The following DMXL1 variants were observed in gnomAD, a reference collection of about 807,000 sequenced individuals.
DMXL1 encodes Dmx like 1.
A neutral mutation model predicts 319.2 loss-of-function variants in DMXL1; 99 were observed. That is an observed-to-expected ratio of 0.31 (90% CI 0.26 to 0.37). The LOEUF (loss-of-function observed/expected upper bound fraction) is 0.37. DMXL1 is among the 10% of genes least tolerant of loss of function. The probability of loss-of-function intolerance (pLI) is 1.00; values close to 1 mark genes in which losing one functional copy is unlikely to be tolerated. For missense variants in DMXL1, 3,745 were observed against 3,595.6 expected (o/e 1.04, Z -1.06); for synonymous variants, 1,385 against 1,235.2 (o/e 1.12, Z -2.54).
chr5:119,240,754 A>G (rs1788622652), intron 42 of DMXL1, among the ~76,000 whole-genome samples: 1 of 152,222 alleles, frequency 6.6e-6, no homozygotes. Flanking sequence ...TGTAAACTCA[A>G]TATTATGTCC....
intron 1 of DMXL1, 60 bp downstream of exon 1, chr5:119,071,716 G>A: frequency 2.0e-6 from 3 of 1,472,088 alleles, no homozygotes; most frequent in South Asian, 1.2e-5. Context: ...ATTCTGGGCC[G>A]AGCTTGGCCC....
intron 1 of DMXL1, among the ~76,000 whole-genome samples, chr5:119,087,654 A>G (rs1012661686): frequency 1.2e-4 from 18 of 152,232 alleles, no homozygotes; most frequent in African/African-American, 3.9e-4. Context: ...TGTTCTTTAA[A>G]TGTCAGGCCT....
rs145364901 is a variant in DMXL1 at position 119,135,765 on chromosome 5, A to G, written c.2376+1376A>G. On this transcript the variant is annotated intron_variant, in intron 13 of 43. Transcript: ENST00000539542. ...GCTTGCTTCTCCTTTGCCTTCTGCCATGATTGTAAGTCCTGAGGCCTCCTG... is the reference window on the plus strand; with the variant it reads ...GCTTGCTTCTCCTTTGCCTTCTGCCGTGATTGTAAGTCCTGAGGCCTCCTG... Among the ~76,000 whole-genome samples, 1,099 of 152,276 alleles carry G rather than the reference A, an allele frequency of 7.2e-3. 5 individuals carry two copies. The highest frequency in any genetic ancestry group is 7.4e-3 in the Non-Finnish European group (506 of 68,020).
At chr5:119,240,576 C>T (rs1788590978) in intron 42 of DMXL1, 105 bp downstream of exon 42, 1 of 841,916 alleles carries the variant, frequency 1.2e-6, no homozygotes, top group South Asian at 1.7e-5. Context: ...TTTATTAACC[C>T]ATGAGATTTC....
chr5:119,124,346 C>T (rs1326431672), intron 9 of DMXL1, among the ~76,000 whole-genome samples: 1 of 151,194 alleles, frequency 6.6e-6, no homozygotes, highest in Non-Finnish European at 1.5e-5. Context: ...TAAGAAAGAC[C>T]AAGGAACAAA....
intron 1 of DMXL1, among the ~76,000 whole-genome samples, chr5:119,081,047 A>G (rs1485799480): frequency 1.3e-5 from 2 of 152,180 alleles, no homozygotes; most frequent in African/African-American, 2.4e-5. Context: ...GATGTTACCC[A>G]CTAGAATTGT....
Position 119,189,828 on chromosome 5 carries a change from C to G in DMXL1, c.7256C>G (p.Ala2419Gly), listed in dbSNP as rs376776822. 3.1e-6 allele frequency: 5 copies of G among 1,613,806 alleles called. No homozygotes were observed. The South Asian group carries it at 5.5e-5, about 18-fold the overall frequency. The change falls in exon 29 of 44, where the codon GCG becomes GGG. Residue 2419 changes from alanine to glycine, a missense_variant. Ala to Gly is a moderately conservative substitution (Grantham distance 60). Around this residue, in one of 4 missense-constraint regions of DMXL1, gnomAD observed 1,382 missense variants for 1,269.5 expected, o/e 1.09. Transcript: ENST00000539542. The stretch of plus-strand genomic sequence containing the variant: ...GCACCAGTAAGCCAGGAGTCACTGG[C>G]GGTTAAAGAAAAGTTCATCCCACCT... ...SSAPVSQESL[A>G]VKEKFIPPEL...
chr5:119,244,327 GT>G (rs1337472233), intron 42 of DMXL1, 31 bp from the exon 43 acceptor site: 1 of 1,531,910 alleles, frequency 6.5e-7, no homozygotes, highest in African/African-American at 1.4e-5. Context: ...TTATTGTTAA[GT>G]GTTTTTGTTT....
intron 39 of DMXL1, among the ~76,000 whole-genome samples, chr5:119,234,497 C>T (rs967855119): frequency 2.0e-5 from 3 of 152,066 alleles, no homozygotes; most frequent in African/African-American, 7.2e-5. Context: ...TTTTGTCTAC[C>T]ATGTTTATCA....
intron 9 of DMXL1, among the ~76,000 whole-genome samples, chr5:119,123,241 G>C (rs867975167): frequency 1.3e-5 from 2 of 151,828 alleles, no homozygotes; most frequent in East Asian, 3.9e-4. Context: ...GCAGTGAGCC[G>C]AGATGGCGGC....
rs1246873426 is a variant in DMXL1 at position 119,164,075 on chromosome 5, A to G, written c.4703-432A>G. Among the ~76,000 whole-genome samples the G allele has an allele frequency of 2.0e-5, 3 of 150,046 alleles. No individual in the cohort carries two copies. In the East Asian group the frequency reaches 5.8e-4, roughly 29 times the overall value. ...TTTGCAGTGCTATTCCTAATTCATC[A>G]ACCTGAACTGCTTGCTTGATGTTTT... On this transcript the variant is annotated intron_variant, in intron 19 of 43. Transcript: ENST00000539542.
At chr5:119,201,796 G>A (rs867320014) in intron 32 of DMXL1, among the ~76,000 whole-genome samples, 3 of 152,090 alleles carry the variant, frequency 2.0e-5, no homozygotes. Context: ...TTCAGTCTTG[G>A]GAGGGTGTAT....
intron 32 of DMXL1, among the ~76,000 whole-genome samples, chr5:119,198,319 T>G (rs1780032246): frequency 6.6e-6 from 1 of 152,190 alleles, no homozygotes; most frequent in Non-Finnish European, 1.5e-5. Flanking sequence ...GGAGTTTTAC[T>G]TTTTGTGCTG....
rs1367714139 is a variant in DMXL1, at chr5:119,149,706, C to G, written c.3879C>G (p.Ile1293Met). ...TRSMTSLAQK[I>M]CGKKTAFDPS... ...CCATGACCAGTCTTGCACAGAAAAT[C>G]TGTGGAAAGAAAACTGCATTCGATC... The change falls in exon 18 of 44, where the codon ATC becomes ATG. Residue 1293 changes from isoleucine to methionine, a missense_variant. Transcript: ENST00000539542. 1 of 1,614,014 alleles carries G rather than the reference C, an allele frequency of 6.2e-7. No homozygotes were observed. Among genetic ancestry groups the G allele is most frequent in the Admixed American group, 1.7e-5 (1 of 59,982 alleles).
intron 5 of DMXL1, 34 bp downstream of exon 5, chr5:119,110,317 C>A: frequency 6.7e-7 from 1 of 1,492,132 alleles, no homozygotes; most frequent in Non-Finnish European, 8.9e-7. Flanking sequence ...AACTGATAAA[C>A]CTGTTGTTCT....
intron 9 of DMXL1, among the ~76,000 whole-genome samples, chr5:119,121,903 G>GT (rs1561638813): frequency 1.4e-5 from 2 of 146,092 alleles, no homozygotes; most frequent in East Asian, 4.1e-4. Flanking sequence ...GGCTGGCCGG[G>GT]CGGGGGGCTG....
At chr5:119,151,903 A>C in intron 18 of DMXL1, 26 bp from the exon 19 acceptor site, 1 of 1,527,778 alleles carries the variant, frequency 6.5e-7, no homozygotes, top group East Asian at 2.3e-5. Flanking sequence ...TTTTTAATAC[A>C]TTGCTTCCCC....
rs1219196023 is a variant in DMXL1, at chr5:119,171,790, C to A, written c.6502C>A (p.Pro2168Thr). 6.2e-7 allele frequency: 1 copy of A among 1,610,718 alleles called. No individual in the cohort carries two copies. Among genetic ancestry groups the A allele is most frequent in the South Asian group, 1.1e-5 (1 of 90,456 alleles). Reference protein sequence around the residue: ...LQESQQETSEPLFSSPLSEQT... With the variant: ...LQESQQETSETLFSSPLSEQT... Reference sequence around the variant, plus strand: ...CTTTGTTTTTAAGGAAACATCAGAACCACTATTTTCTAGCCCTCTGTCAGA... The same window carrying A: ...CTTTGTTTTTAAGGAAACATCAGAAACACTATTTTCTAGCCCTCTGTCAGA... Residue 2168 changes from proline to threonine, a missense_variant, in exon 25 of 44, where the codon CCA (proline) becomes ACA (threonine). Around this residue, in one of 4 missense-constraint regions of DMXL1, gnomAD observed 1,382 missense variants for 1,269.5 expected, o/e 1.09. Coordinates refer to ENST00000539542, the MANE Select transcript of DMXL1 (RefSeq NM_001290321.3).
chr5:119,207,004 AT>A, intron 34 of DMXL1, 108 bp downstream of exon 34: 1 of 606,614 alleles, frequency 1.6e-6, no homozygotes, highest in Non-Finnish European at 2.7e-6. Flanking sequence ...GATTTAAAGT[AT>A]TGTTCCCTCA....
Sources: gnomAD v4.1 joint callset for allele counts (sites outside exome capture counted in the v4.1 genomes callset) on GRCh38, gnomAD v4.1.1 for gene constraint, gnomAD v4.1.1 regional missense constraint, MANE v1.5 for transcripts, NCBI Gene and HGNC (gene_info 2026-07-23, HGNC 2026-07-21) for gene names.